RBFOX1: variants seen among roughly 807,000 people sequenced by gnomAD.
The protein encoded by RBFOX1 is RNA binding fox-1 homolog 1, also known as RNA binding protein fox-1 homolog 1.
Under a neutral mutation model 57.7 loss-of-function variants are expected in RBFOX1, and 8 were observed. That is an observed-to-expected ratio of 0.14 (90% CI 0.08 to 0.25). The LOEUF (loss-of-function observed/expected upper bound fraction) is 0.25. Ranked by LOEUF, RBFOX1 falls within the 10% of genes least tolerant of loss-of-function variation. The pLI is 1.00. For synonymous variants in RBFOX1, 326 were observed against 222.4 expected (o/e 1.47, Z -4.15); for missense variants, 611 against 548.5 (o/e 1.11, Z -1.14).
At chr16:6,033,733 A>G (rs1351377472) in intron 1 of RBFOX1, among the ~76,000 whole-genome samples, 1 of 152,210 alleles carries the variant, frequency 6.6e-6, no homozygotes, top group Non-Finnish European at 1.5e-5. Context: ...TTGAAGCGCT[A>G]CATGGAATAT....
chr16:5,549,879 C>T lies in RBFOX1; in HGVS notation c.259-49023C>T, dbSNP rs550176720. Among the ~76,000 whole-genome samples the T allele has an allele frequency of 5.9e-5, 9 of 152,230 alleles. No homozygotes were observed. In the South Asian group the frequency reaches 1.9e-3, roughly 32 times the overall value. On this transcript the variant is annotated intron_variant, in intron 2 of 2. Transcript: ENST00000585867. ...GAGATGGGAGGGAATCTTGCAGGCC[C>T]AGGTGTGGATGAGTGTGGCTCATAA...
intron 3 of RBFOX1, among the ~76,000 whole-genome samples, chr16:5,828,504 C>A (rs965666998): frequency 1.3e-5 from 2 of 152,000 alleles, no homozygotes; most frequent in African/African-American, 4.8e-5. Flanking sequence ...TCAAGACCAT[C>A]CTGACCAACA....
chr16:7,134,692 A>C (rs2071427810), intron 4 of RBFOX1, among the ~76,000 whole-genome samples: 1 of 152,194 alleles, frequency 6.6e-6, no homozygotes, highest in African/African-American at 2.4e-5. Context: ...CTACTTAGAA[A>C]TCCTGACTGT....
At chr16:6,817,341 C>T (rs187517597) in intron 3 of RBFOX1, among the ~76,000 whole-genome samples, 39 of 152,136 alleles carry the variant, frequency 2.6e-4, no homozygotes, top group Admixed American at 9.8e-4. Flanking sequence ...CCCTGCTTAC[C>T]TGTTAGCTGC....
chr16:7,366,373 G>C (rs1350699383), intron 4 of RBFOX1, among the ~76,000 whole-genome samples: 1 of 152,208 alleles, frequency 6.6e-6, no homozygotes, highest in Non-Finnish European at 1.5e-5. Flanking sequence ...CGAAGGCTGT[G>C]CATGTTTCCA....
At chr16:6,041,179 T>C (rs141183404) in intron 1 of RBFOX1, among the ~76,000 whole-genome samples, 2 of 152,192 alleles carry the variant, frequency 1.3e-5, no homozygotes, top group African/African-American at 4.8e-5. Context: ...TTTTCCAGAA[T>C]GTTATATAGT....
At chr16:5,996,813 G>T (rs750744785) in intron 4 of RBFOX1, among the ~76,000 whole-genome samples, 2 of 152,150 alleles carry the variant, frequency 1.3e-5, no homozygotes, top group Non-Finnish European at 2.9e-5. Flanking sequence ...ATCTCTGCTA[G>T]TGCTCTCCAT....
intron 4 of RBFOX1, among the ~76,000 whole-genome samples, chr16:7,191,709 T>G (rs961500241): frequency 1.3e-5 from 2 of 152,226 alleles, no homozygotes; most frequent in Non-Finnish European, 2.9e-5. Context: ...TTCAGTTGTT[T>G]TAAAGAAACA....
intron 1 of RBFOX1, among the ~76,000 whole-genome samples, chr16:6,203,450 C>T (rs1456930508): frequency 6.6e-6 from 1 of 152,178 alleles, no homozygotes; most frequent in African/African-American, 2.4e-5. Flanking sequence ...TGAGTAATAT[C>T]ACTGCATGTA....
intron 1 of RBFOX1, among the ~76,000 whole-genome samples, chr16:6,162,237 C>G (rs1027400489): frequency 1.3e-5 from 2 of 152,142 alleles, no homozygotes; most frequent in African/African-American, 4.8e-5. Flanking sequence ...CCTGTGTCAG[C>G]CTCCCTAGTA....
chr16:7,202,925 C>T (rs2088974153), intron 4 of RBFOX1, among the ~76,000 whole-genome samples: 1 of 152,088 alleles, frequency 6.6e-6, no homozygotes, highest in Non-Finnish European at 1.5e-5. Context: ...GTCTCACTGT[C>T]ACCCTGGCTG....
intron 2 of RBFOX1, among the ~76,000 whole-genome samples, chr16:6,513,790 C>T (rs1238471302): frequency 6.6e-6 from 1 of 152,098 alleles, no homozygotes; most frequent in Non-Finnish European, 1.5e-5. Context: ...ACATCATTGT[C>T]TTGTTTCTGT....
Position 6,487,107 on chromosome 16 carries a change from A to G in RBFOX1, c.-63-167496A>G, listed in dbSNP as rs192101627. On this transcript the variant is annotated intron_variant, in intron 2 of 15. Transcript: ENST00000550418. ...TTTTATTAAGCTAAATAAAGTTTCT[A>G]TGAAAAGTTGTGGGGTTTCAGTAAG... Among the ~76,000 whole-genome samples, 8 of 151,796 alleles carry G rather than the reference A, an allele frequency of 5.3e-5. No individual in the cohort carries two copies. In the East Asian group the frequency reaches 1.6e-3, roughly 29 times the overall value.
chr16:5,676,138 C>G (rs546338165), intron 3 of RBFOX1, among the ~76,000 whole-genome samples: 1 of 152,106 alleles, frequency 6.6e-6, no homozygotes, highest in Admixed American at 6.5e-5. Flanking sequence ...ATACCTAATT[C>G]AAGCAGGGCT....
At chr16:6,644,520 C>T (rs183278104) in intron 2 of RBFOX1, among the ~76,000 whole-genome samples, 8 of 152,286 alleles carry the variant, frequency 5.3e-5, no homozygotes, top group Admixed American at 1.3e-4. Flanking sequence ...TCCTCACACT[C>T]CTGAGAGGTG....
At chr16:6,372,811 G>A (rs1447401952) in intron 2 of RBFOX1, among the ~76,000 whole-genome samples, 6 of 151,968 alleles carry the variant, frequency 3.9e-5, no homozygotes, top group Non-Finnish European at 7.4e-5. Flanking sequence ...TTGGGTGGAA[G>A]TATAACTGGA....
At chr16:7,369,370 C>T (rs1442634930) in intron 4 of RBFOX1, among the ~76,000 whole-genome samples, 1 of 152,136 alleles carries the variant, frequency 6.6e-6, no homozygotes, top group Non-Finnish European at 1.5e-5. Context: ...CAAAGGCAGA[C>T]AGATGGTGTC....
At position 7,196,424 on chromosome 16, in the gene RBFOX1, A is replaced by G. The variant is rs552276553; in HGVS notation, c.27+144326A>G. 4.5e-4 allele frequency among the ~76,000 whole-genome samples: 68 copies of G among 152,242 alleles called. 2 individuals are homozygous for G. The highest frequency in any genetic ancestry group is 1.5e-3 in the African/African-American group (63 of 41,552). On this transcript the variant is annotated intron_variant, in intron 4 of 15. Transcript: ENST00000550418. ...GCTTAGCAGCACAAAATCAAGAAAC[A>G]TCTTTCATTCAGACCATTGCCAACA...
intron 4 of RBFOX1, among the ~76,000 whole-genome samples, chr16:7,444,615 C>G (rs530308441): frequency 2.3e-4 from 35 of 152,188 alleles, no homozygotes; most frequent in Non-Finnish European, 4.1e-4. Flanking sequence ...TCACTGCAGC[C>G]TCAACCTCCC....
Sources: gnomAD v4.1 joint callset for allele counts (sites outside exome capture counted in the v4.1 genomes callset) on GRCh38, gnomAD v4.1.1 for gene constraint, MANE v1.5 for transcripts, NCBI Gene and HGNC (gene_info 2026-07-23, HGNC 2026-07-21) for gene names.